The following GTF2I variants were observed in gnomAD, a reference collection of about 807,000 sequenced individuals.
The protein encoded by GTF2I is general transcription factor II-I.
GTF2I carries 12 observed loss-of-function variants against 67.6 expected under a neutral mutation model. That is an observed-to-expected ratio of 0.18 (90% CI 0.11 to 0.29). GTF2I has a LOEUF of 0.29. Among genes scored for constraint, GTF2I ranks in the 10% least tolerant of loss-of-function variants. GTF2I has a pLI of 1.00. For missense variants in GTF2I, 271 were observed against 580.1 expected (o/e 0.47, Z 5.47); for synonymous variants, 149 against 197.0 (o/e 0.76, Z 2.04).
At chr7:74,659,912 C>A (rs1804318615) in intron 1 of GTF2I, among the ~76,000 whole-genome samples, 1 of 152,176 alleles carries the variant, frequency 6.6e-6, no homozygotes, top group African/African-American at 2.4e-5. Context: ...GGAGAAGTCT[C>A]CAGTCCTTCA....
chr7:74,707,870 T>G (rs587623797), intron 8 of GTF2I, among the ~76,000 whole-genome samples: 3 of 152,266 alleles, frequency 2.0e-5, no homozygotes, highest in East Asian at 3.9e-4. Context: ...AGCATCATTA[T>G]AGGTTTTTTT....
chr7:74,696,638 G>T (rs1249309550), intron 3 of GTF2I, among the ~76,000 whole-genome samples: 1 of 151,902 alleles, frequency 6.6e-6, no homozygotes, highest in African/African-American at 2.4e-5. Flanking sequence ...GACTACAGGC[G>T]CCCACCACCA....
At chr7:74,662,511 CTTTTTTTTTTTTTTTTTTTT>C (rs1161320476) in intron 1 of GTF2I, among the ~76,000 whole-genome samples, 1 of 50,200 alleles carries the variant, frequency 2.0e-5, no homozygotes, top group African/African-American at 8.3e-5. Flanking sequence ...CACCTGGACC[CTTTTTTTTTTTTTTTTTTTT>C]TTTTTTTTTG....
chr7:74,690,939 G>A (rs191200616), intron 2 of GTF2I, 34 bp from the exon 3 acceptor site: 9 of 1,590,698 alleles, frequency 5.7e-6, no homozygotes, highest in East Asian at 2.2e-5. Context: ...TTAAACGTCC[G>A]CCTGTAACAT....
intron 8 of GTF2I, among the ~76,000 whole-genome samples, chr7:74,706,893 C>A (rs1790787685): frequency 6.6e-6 from 1 of 152,156 alleles, no homozygotes; most frequent in Non-Finnish European, 1.5e-5. Flanking sequence ...CTTTGTCACC[C>A]AGACTGAAGT....
At chr7:74,712,487 AGTGTGTGTGT>A (rs142200093) in intron 9 of GTF2I, among the ~76,000 whole-genome samples, 10,024 of 131,762 alleles carry the variant, frequency 0.076, 401 homozygotes, top group Middle Eastern at 0.19. Flanking sequence ...TTCTCCCGGG[AGTGTGTGTGT>A]GTGTGTGTGT....
intron 3 of GTF2I, among the ~76,000 whole-genome samples, chr7:74,696,532 G>A (rs1788931081): frequency 6.8e-6 from 1 of 145,994 alleles, no homozygotes; most frequent in Admixed American, 7.0e-5. Context: ...TCGCTCTGTC[G>A]CCCAGGCTAG....
intron 12 of GTF2I, among the ~76,000 whole-genome samples, chr7:74,720,412 G>T (rs1554404357): frequency 6.6e-6 from 1 of 152,100 alleles, no homozygotes; most frequent in Non-Finnish European, 1.5e-5. Flanking sequence ...AAGTCAATTA[G>T]TAGCTTCCAC....
chr7:74,720,741 AT>A lies in GTF2I; in HGVS notation c.943+1819del, dbSNP rs35442354. Among the ~76,000 whole-genome samples, 1,076 of 132,320 alleles carry A rather than the reference AT, an allele frequency of 8.1e-3. 2 individuals carry two copies. Among genetic ancestry groups the A allele is most frequent in the East Asian group, 0.015 (67 of 4,602 alleles). The allele number at this position is 132,320 out of a possible 152,430, so 86.8% of individuals were successfully genotyped here. ...AAATCTTAAAGCAGATAGAAGCTGTATTTTTTTTTTTTTTTTTTTGAGACAG... is the reference window on the plus strand; with the variant it reads ...AAATCTTAAAGCAGATAGAAGCTGTATTTTTTTTTTTTTTTTTTGAGACAG... On this transcript the variant is annotated intron_variant, in intron 12 of 34. Coordinates refer to ENST00000573035, the MANE Select transcript of GTF2I (RefSeq NM_032999.4).
intron 1 of GTF2I, among the ~76,000 whole-genome samples, chr7:74,679,536 C>T (rs1263144353): frequency 6.6e-6 from 1 of 152,166 alleles, no homozygotes; most frequent in Non-Finnish European, 1.5e-5. Context: ...TAATTCTCTG[C>T]TGAAAGACTG....
intron 1 of GTF2I, among the ~76,000 whole-genome samples, chr7:74,676,327 A>T (rs1317221394): frequency 6.6e-6 from 1 of 152,168 alleles, no homozygotes; most frequent in African/African-American, 2.4e-5. Flanking sequence ...TTAAAAACAC[A>T]GCTCCTATAG....
At chr7:74,678,185 G>T (rs1003436585) in intron 1 of GTF2I, among the ~76,000 whole-genome samples, 1 of 150,284 alleles carries the variant, frequency 6.7e-6, no homozygotes, top group Non-Finnish European at 1.5e-5. Flanking sequence ...CTCCCAGAGC[G>T]CTGGGATTAC....
intron 1 of GTF2I, among the ~76,000 whole-genome samples, chr7:74,666,703 C>T (rs1281955560): frequency 2.6e-5 from 4 of 151,174 alleles, no homozygotes; most frequent in Non-Finnish European, 5.9e-5. Flanking sequence ...CACGGTGGCT[C>T]ACACCTGTAA....
chr7:74,707,007 G>T (rs1172087385), intron 8 of GTF2I, among the ~76,000 whole-genome samples: 1 of 152,056 alleles, frequency 6.6e-6, no homozygotes, highest in African/African-American at 2.4e-5. Context: ...ACGCCATCAC[G>T]CACGACTAAT....
At chr7:74,694,822 G>A (rs2131310815) in intron 3 of GTF2I, among the ~76,000 whole-genome samples, 1 of 152,280 alleles carries the variant, frequency 6.6e-6, no homozygotes, top group Middle Eastern at 3.4e-3. Flanking sequence ...AGCTTCAAAG[G>A]ACAAGCTGAA....
chr7:74,677,638 C>G lies in GTF2I; in HGVS notation c.-5-11486C>G, dbSNP rs192987278. On this transcript the variant is annotated intron_variant, in intron 1 of 34. Transcript: ENST00000573035. ...CTCTACTAAAAAAAAGAAAATTAGC[C>G]GGGCGTGGTGACATACACCTGTAAT... Among the ~76,000 whole-genome samples the G allele has an allele frequency of 2.6e-5, 4 of 151,594 alleles. No homozygotes were observed. The East Asian group carries it at 7.8e-4, about 30-fold the overall frequency.
chr7:74,725,497 G>T (rs974247638), intron 12 of GTF2I, among the ~76,000 whole-genome samples: 6 of 150,832 alleles, frequency 4.0e-5, no homozygotes, highest in African/African-American at 1.5e-4. Context: ...GACCAACCTG[G>T]GCAACATAGG....
intron 7 of GTF2I, among the ~76,000 whole-genome samples, chr7:74,706,173 C>T (rs1790653393): frequency 6.6e-6 from 1 of 152,258 alleles, no homozygotes; most frequent in African/African-American, 2.4e-5. Context: ...CCGCCTCGGC[C>T]TCCCAATGTG....
chr7:74,685,653 G>C (rs1554395262), intron 1 of GTF2I, among the ~76,000 whole-genome samples: 2 of 152,038 alleles, frequency 1.3e-5, no homozygotes, highest in Non-Finnish European at 1.5e-5. Context: ...TGTAGTCCCA[G>C]GTACTCGCGA....
Sources: gnomAD v4.1 joint callset for allele counts (sites outside exome capture counted in the v4.1 genomes callset) on GRCh38, gnomAD v4.1.1 for gene constraint, MANE v1.5 for transcripts, NCBI Gene and HGNC (gene_info 2026-07-23, HGNC 2026-07-21) for gene names.